Variants in ARHGAP44 observed in about 807,000 individuals in gnomAD.
The protein encoded by ARHGAP44 is rho GTPase-activating protein 44.
In ARHGAP44, 43 loss-of-function variants were observed where a neutral mutation model predicts 106.8. That is an observed-to-expected ratio of 0.40 (90% CI 0.32 to 0.52). The LOEUF (loss-of-function observed/expected upper bound fraction) is 0.52. Ranked by LOEUF, ARHGAP44 falls within the 20% of genes least tolerant of loss-of-function variation. The probability of loss-of-function intolerance (pLI) is 0.48; values close to 1 mark genes in which losing one functional copy is unlikely to be tolerated. For synonymous variants in ARHGAP44, 439 were observed against 410.3 expected (o/e 1.07, Z -0.85); for missense variants, 866 against 1,050.5 (o/e 0.82, Z 2.43).
chr17:12,961,685 G>C (rs2143205362), intron 16 of ARHGAP44, among the ~76,000 whole-genome samples: 1 of 152,232 alleles, frequency 6.6e-6, no homozygotes, highest in Non-Finnish European at 1.5e-5. Flanking sequence ...GGTGAGTCAA[G>C]ATCACGCCAT....
chr17:12,942,756 G>T lies in ARHGAP44; in HGVS notation c.652-832G>T, dbSNP rs539958220. ...TATACATGCCCAGTTTTGGGGAAGG[G>T]ATAGGAGGAGTCAGTAAACAAATGA... is the stretch of plus-strand genomic sequence containing the variant. On this transcript the variant is annotated intron_variant, in intron 8 of 20. Coordinates refer to ENST00000379672, the MANE Select transcript of ARHGAP44 (RefSeq NM_014859.6). Among the ~76,000 whole-genome samples, 4 of 152,312 alleles carry T rather than the reference G, an allele frequency of 2.6e-5. No homozygotes were observed. In the South Asian group the frequency reaches 8.3e-4, roughly 32 times the overall value.
At chr17:12,888,696 C>T (rs1343693306) in intron 1 of ARHGAP44, among the ~76,000 whole-genome samples, 1 of 152,048 alleles carries the variant, frequency 6.6e-6, no homozygotes, top group East Asian at 1.9e-4. Context: ...TTGAAGTTTC[C>T]AACTATAGTT....
intron 1 of ARHGAP44, among the ~76,000 whole-genome samples, chr17:12,821,624 A>G (rs1469288184): frequency 6.6e-6 from 1 of 152,196 alleles, no homozygotes; most frequent in Non-Finnish European, 1.5e-5. Context: ...CTGAGCATTA[A>G]TCTCAAACTT....
chr17:12,969,074 GTCTATT>G (rs1428368599), intron 16 of ARHGAP44, among the ~76,000 whole-genome samples: 3 of 152,044 alleles, frequency 2.0e-5, no homozygotes, highest in Non-Finnish European at 2.9e-5. Flanking sequence ...TGGCCTCCCT[GTCTATT>G]TCTATCAGAG....
At chr17:12,932,210 A>G (rs973898554) in intron 7 of ARHGAP44, among the ~76,000 whole-genome samples, 4 of 152,114 alleles carry the variant, frequency 2.6e-5, no homozygotes, top group Non-Finnish European at 5.9e-5. Context: ...ATTTTTGCCA[A>G]TTTGGTGAGG....
rs1254949703 is a variant in ARHGAP44, at chr17:12,915,897, C to T, written c.276-3C>T. The T allele has an allele frequency of 2.5e-6, 4 of 1,612,714 alleles. No individual in the cohort carries two copies. The highest frequency in any genetic ancestry group is 3.4e-6 in the Non-Finnish European group (4 of 1,179,186). On this transcript the variant is annotated splice_polypyrimidine_tract_variant and splice_region_variant and intron_variant, in intron 4 of 20. Transcript: ENST00000379672. ...CACTATTTCTTTCCCCCTTGGATTA[C>T]AGGAAGATGCTGAAACTCTGTGGAG...
In ARHGAP44 at chr17:12,952,498, CA is replaced by C; in HGVS notation, c.1056-2del. Reference sequence around the variant, plus strand: ...CCAATGACCTTTCCTATCAATTTCTCAGTGTCCAGGAGCAAGACAAGAAGCT... The same window carrying C: ...CCAATGACCTTTCCTATCAATTTCTCGTGTCCAGGAGCAAGACAAGAAGCT... On this transcript the variant is annotated splice_acceptor_variant, in intron 12 of 20. Coordinates refer to ENST00000379672, the MANE Select transcript of ARHGAP44 (RefSeq NM_014859.6). LOFTEE classifies it high-confidence loss of function. 1 of 1,570,994 alleles carries C rather than the reference CA, an allele frequency of 6.4e-7. No individual in the cohort carries two copies. Among genetic ancestry groups the C allele is most frequent in the Non-Finnish European group, 8.6e-7 (1 of 1,157,228 alleles).
chr17:12,987,296 G>A lies in ARHGAP44; in HGVS notation c.2317+2388G>A, dbSNP rs1374422858. ...CTCCAGCCTTCCCCGGCCTCAGCAA[G>A]GATGAGTTGATCCATGAGCTTATTT... On this transcript the variant is annotated intron_variant, in intron 20 of 20. Coordinates refer to ENST00000379672, the MANE Select transcript of ARHGAP44 (RefSeq NM_014859.6). 7.4e-6 allele frequency: 5 copies of A among 675,240 alleles called. No homozygotes were observed. The Admixed American group carries it at 1.3e-4, about 17-fold the overall frequency. The allele number at this position is 675,240 out of a possible 1,614,324, so 41.8% of individuals were successfully genotyped here.
intron 3 of ARHGAP44, among the ~76,000 whole-genome samples, chr17:12,905,555 G>T (rs116895414): frequency 5.9e-5 from 9 of 152,066 alleles, no homozygotes; most frequent in Non-Finnish European, 1.3e-4. Context: ...CTTGACCTTC[G>T]TTCATTTGGT....
chr17:12,956,742 T>C lies in ARHGAP44; in HGVS notation c.1338T>C (p.Pro446=). The change falls in exon 15 of 21, where the codon CCT becomes CCC. Residue 446 remains proline, a synonymous_variant. Transcript: ENST00000379672. Reference sequence around the variant, plus strand: ...TCCAGCATGCAGACTGGTTCTTCCCTGGGGGTAGGTGACAGCACCTAGGTG... The same window carrying C: ...TCCAGCATGCAGACTGGTTCTTCCCCGGGGGTAGGTGACAGCACCTAGGTG... The part of the protein sequence containing the change: ...PIIQHADWFF[P]GEIEFNITGN... 6.2e-7 allele frequency: 1 copy of C among 1,613,856 alleles called. No individual in the cohort carries two copies. The highest frequency in any genetic ancestry group is 1.3e-5 in the African/African-American group (1 of 75,018).
chr17:12,844,919 A>G (rs777404149), intron 1 of ARHGAP44, among the ~76,000 whole-genome samples: 4 of 152,192 alleles, frequency 2.6e-5, no homozygotes, highest in Non-Finnish European at 2.9e-5. Context: ...ACTGACGTGT[A>G]CTTTTATAGC....
At chr17:12,899,166 T>G (rs773566211) in intron 3 of ARHGAP44, among the ~76,000 whole-genome samples, 3 of 152,126 alleles carry the variant, frequency 2.0e-5, no homozygotes, top group Non-Finnish European at 4.4e-5. Context: ...AGACAGGGTT[T>G]CACCATGTTG....
chr17:12,949,079 C>T lies in ARHGAP44; in HGVS notation c.862-61C>T. The stretch of plus-strand genomic sequence containing the variant: ...GAAAAGAAGCAGGCAGTTGCGGGGT[C>T]TCTGCGCTTTGATGTTGTACCTTGG... On this transcript the variant is annotated intron_variant, in intron 10 of 20. Transcript: ENST00000379672. The surrounding 1 kb of genome is among the most constrained non-coding windows in gnomAD (Gnocchi z 4.1). The T allele has an allele frequency of 1.4e-6, 2 of 1,471,968 alleles. No individual in the cohort carries two copies. The highest frequency in any genetic ancestry group is 1.9e-6 in the Non-Finnish European group (2 of 1,079,886). The allele number at this position is 1,471,968 out of a possible 1,614,324, so 91.2% of individuals were successfully genotyped here.
Position 12,987,109 on chromosome 17 carries a change from C to T in ARHGAP44, c.2317+2201C>T, listed in dbSNP as rs750807830. The T allele has an allele frequency of 2.9e-5, 45 of 1,532,788 alleles. No homozygotes were observed. In the South Asian group the frequency reaches 3.2e-4, roughly 11 times the overall value. The allele number at this position is 1,532,788 out of a possible 1,614,324, so 94.9% of individuals were successfully genotyped here. On this transcript the variant is annotated intron_variant, in intron 20 of 20. Transcript: ENST00000379672. ...TCATTGTGTTCTTGCAGCTGTGTGA[C>T]ATGAGTGGCGCAGTTTTGGATACGT...
intron 6 of ARHGAP44, among the ~76,000 whole-genome samples, chr17:12,921,876 C>T (rs1294543429): frequency 6.6e-6 from 1 of 152,094 alleles, no homozygotes; most frequent in African/African-American, 2.4e-5. Flanking sequence ...CACTGGAATT[C>T]TGCATCAGGA....
intron 1 of ARHGAP44, among the ~76,000 whole-genome samples, chr17:12,799,549 A>T (rs372077844): frequency 2.6e-5 from 4 of 152,282 alleles, no homozygotes; most frequent in East Asian, 1.9e-4. Context: ...TTCATGGGCC[A>T]GTACTAGTTC....
chr17:12,973,262 A>G, intron 16 of ARHGAP44, 40 bp from the exon 17 acceptor site: 3 of 1,594,276 alleles, frequency 1.9e-6, no homozygotes, highest in South Asian at 1.1e-5. Context: ...GAAGGCCTAG[A>G]TTTTTTGAAA....
chr17:12,889,689 A>G (rs1050629580), intron 1 of ARHGAP44, among the ~76,000 whole-genome samples: 4 of 152,166 alleles, frequency 2.6e-5, no homozygotes, highest in South Asian at 2.1e-4. Flanking sequence ...ACTGGTTCCA[A>G]TACCACCTCA....
chr17:12,950,101 T>A (rs60807089), intron 12 of ARHGAP44, among the ~76,000 whole-genome samples: 2,805 of 152,256 alleles, frequency 0.018, 73 homozygotes, highest in African/African-American at 0.063. Flanking sequence ...TCTATTGTTA[T>A]AAAAACGAAA....
Sources: gnomAD v4.1 joint callset for allele counts (sites outside exome capture counted in the v4.1 genomes callset) on GRCh38, gnomAD v4.1.1 for gene constraint, Gnocchi (gnomAD v3.1) non-coding constraint, MANE v1.5 for transcripts, NCBI Gene and HGNC (gene_info 2026-07-23, HGNC 2026-07-21) for gene names.